The following AQP9 variants were observed in gnomAD, a reference collection of about 807,000 sequenced individuals.
AQP9 encodes the protein aquaporin-9.
AQP9 carries 19 observed loss-of-function variants against 23.8 expected under a neutral mutation model. The ratio of observed to expected loss-of-function variants is 0.80; its 90% CI spans 0.56 to 1.17. AQP9 has a LOEUF of 1.17. AQP9 is among the 50% of genes most tolerant of loss of function. AQP9 has a pLI of 0.00. For missense variants in AQP9, 413 were observed against 362.0 expected, an observed-to-expected ratio of 1.14 and a Z score of -1.14; for synonymous variants, 153 against 131.5, an observed-to-expected ratio of 1.16 and a Z score of -1.12.
At chr15:58,160,735 G>A (rs1332314780) in intron 1 of AQP9, among the ~76,000 whole-genome samples, 1 of 152,108 alleles carries the variant, frequency 6.6e-6, no homozygotes, top group Non-Finnish European at 1.5e-5. Flanking sequence ...ATGGCAATGT[G>A]CAGACGTGAT....
chr15:58,143,701 C>G (rs1897990645), intron 1 of AQP9, among the ~76,000 whole-genome samples: 1 of 152,188 alleles, frequency 6.6e-6, no homozygotes, highest in East Asian at 1.9e-4. Flanking sequence ...CCCAGAGACA[C>G]TTTCTGAAAT....
intron 1 of AQP9, among the ~76,000 whole-genome samples, chr15:58,165,506 G>A (rs1169462978): frequency 1.3e-5 from 2 of 152,130 alleles, no homozygotes; most frequent in African/African-American, 4.8e-5. Context: ...GTGTATTCAT[G>A]GAGAGAGATC....
At chr15:58,145,182 C>G (rs1898022771) in intron 1 of AQP9, among the ~76,000 whole-genome samples, 1 of 151,986 alleles carries the variant, frequency 6.6e-6, no homozygotes, top group Non-Finnish European at 1.5e-5. Context: ...CTTGCCTTTT[C>G]TCCTCTGTGT....
chr15:58,179,232 T>G lies in AQP9; in HGVS notation c.600T>G (p.Ile200Met), dbSNP rs1306742680. ...GLEPIAIGLL[I>M]IVIASSLGLN... The stretch of plus-strand genomic sequence containing the variant: ...AGCCCATTGCCATCGGCCTCCTGAT[T>G]ATTGTCATTGCTTCCTCCCTGGGAC... Residue 200 changes from isoleucine to methionine, a missense_variant, in exon 5 of 6, where the codon ATT becomes ATG. Physicochemically the swap from Ile to Met is conservative, Grantham distance 10 (BLOSUM62 1). Transcript: ENST00000219919. The G allele has an allele frequency of 6.2e-7, 1 of 1,614,144 alleles. No homozygotes were observed. The highest frequency in any genetic ancestry group is 1.1e-5 in the South Asian group (1 of 91,088).
At chr15:58,178,139 T>C (rs1046836401) in intron 4 of AQP9, among the ~76,000 whole-genome samples, 20 of 152,322 alleles carry the variant, frequency 1.3e-4, no homozygotes, top group African/African-American at 4.8e-4. Context: ...CAATTTTATA[T>C]TGGGGACTTG....
chr15:58,169,356 A>T (rs1279584563), intron 2 of AQP9, among the ~76,000 whole-genome samples: 1 of 152,162 alleles, frequency 6.6e-6, no homozygotes, highest in East Asian at 1.9e-4. Flanking sequence ...CTCTATTTGG[A>T]ATCTAGCACA....
In AQP9 at chr15:58,185,038, C is replaced by G. The variant is rs555581918; in HGVS notation, c.*903C>G. On this transcript the variant is annotated 3_prime_UTR_variant, in exon 6 of 6. Transcript: ENST00000219919. ...ATGCCCTAGAAGCCAAAACTGAAAG[C>G]CACTGGATCCTGGTCTAGCTGAATC... The G allele has an allele frequency of 2.0e-5, 3 of 152,274 alleles. No individual in the cohort carries two copies. Among genetic ancestry groups the G allele is most frequent in the Admixed American group, 6.5e-5 (1 of 15,298 alleles). The allele number at this position is 152,274 out of a possible 1,614,324, so 9.4% of individuals were successfully genotyped here.
In AQP9 at chr15:58,185,013, A is replaced by G. The variant is rs1399598875; in HGVS notation, c.*878A>G. 2 of 152,200 alleles carry G rather than the reference A, an allele frequency of 1.3e-5. No homozygotes were observed. Among genetic ancestry groups the G allele is most frequent in the Admixed American group, 6.5e-5 (1 of 15,278 alleles). The allele number at this position is 152,200 out of a possible 1,614,324, so 9.4% of individuals were successfully genotyped here. A position where few individuals can be genotyped will look rare whatever the true frequency, so the allele number is the denominator to read the frequency against. On this transcript the variant is annotated 3_prime_UTR_variant, in exon 6 of 6. Transcript: ENST00000219919. The stretch of plus-strand genomic sequence containing the variant: ...ACTGTGCTTGTCCATTATTTTACAC[A>G]TGCCCTAGAAGCCAAAACTGAAAGC...
intron 5 of AQP9, among the ~76,000 whole-genome samples, chr15:58,182,697 C>T (rs1341894130): frequency 6.6e-6 from 1 of 152,126 alleles, no homozygotes; most frequent in Non-Finnish European, 1.5e-5. Context: ...GTGAGGGCGG[C>T]CGAGTACAGC....
intron 1 of AQP9, among the ~76,000 whole-genome samples, chr15:58,158,864 G>A (rs1898316480): frequency 6.6e-6 from 1 of 152,142 alleles, no homozygotes; most frequent in Non-Finnish European, 1.5e-5. Context: ...CTGGCCCCAG[G>A]TTGCCTGCAT....
intron 1 of AQP9, among the ~76,000 whole-genome samples, chr15:58,165,396 T>G (rs1315939978): frequency 1.3e-5 from 2 of 152,190 alleles, no homozygotes; most frequent in African/African-American, 4.8e-5. Flanking sequence ...CAGATGGGTT[T>G]TAAAAAAGAG....
Position 58,174,917 on chromosome 15 carries a change from G to A in AQP9, c.377-1G>A. On this transcript the variant is annotated splice_acceptor_variant, in intron 3 of 5. Coordinates refer to ENST00000219919, the MANE Select transcript of AQP9 (RefSeq NM_020980.5). LOFTEE classifies it high-confidence loss of function. ...ATGTGCCAGAGCTTTCTCTTTCATA[G>A]ATGGACTTATGTCCTTTGCTGGTGG... 2.5e-6 allele frequency: 4 copies of A among 1,613,486 alleles called. No individual in the cohort carries two copies. The highest frequency in any genetic ancestry group is 3.4e-6 in the Non-Finnish European group (4 of 1,179,334).
At position 58,149,430 on chromosome 15, in the gene AQP9, G is replaced by A. The variant is rs1027223802; in HGVS notation, c.111+10754G>A. Among the ~76,000 whole-genome samples the A allele has an allele frequency of 9.2e-5, 14 of 152,142 alleles. 1 individual carries two copies. The South Asian group carries it at 1.4e-3, about 16-fold the overall frequency. ...TGCAGTCAAACCTTGGCCCCAGCACGTACCACTTATGGGAATGTGAGAGCA... is the reference window on the plus strand; with the variant it reads ...TGCAGTCAAACCTTGGCCCCAGCACATACCACTTATGGGAATGTGAGAGCA... On this transcript the variant is annotated intron_variant, in intron 1 of 5. Coordinates refer to ENST00000219919, the MANE Select transcript of AQP9 (RefSeq NM_020980.5).
intron 1 of AQP9, among the ~76,000 whole-genome samples, chr15:58,148,575 C>T (rs1321788895): frequency 6.6e-6 from 1 of 152,208 alleles, no homozygotes; most frequent in African/African-American, 2.4e-5. Context: ...CAGCAACCCC[C>T]ACTCACACAC....
intron 1 of AQP9, chr15:58,155,880 C>A (rs1329558392): frequency 6.6e-6 from 1 of 152,110 alleles, no homozygotes; most frequent in Non-Finnish European, 1.5e-5. Flanking sequence ...ATTTCTATAC[C>A]TCACATGTCT....
chr15:58,166,559 AC>A, intron 1 of AQP9, 113 bp from the exon 2 acceptor site: 1 of 1,382,250 alleles, frequency 7.2e-7, no homozygotes. Context: ...TTTGTATAAA[AC>A]CCAAGGCAAC....
chr15:58,156,881 A>G (rs1472844967), intron 1 of AQP9, among the ~76,000 whole-genome samples: 3 of 152,174 alleles, frequency 2.0e-5, no homozygotes, highest in African/African-American at 7.2e-5. Flanking sequence ...AGTTATTGCT[A>G]TCAGGTGCGC....
intron 2 of AQP9, among the ~76,000 whole-genome samples, chr15:58,170,573 T>G (rs1430870636): frequency 2.0e-5 from 3 of 151,792 alleles, no homozygotes; most frequent in African/African-American, 7.3e-5. Context: ...CCCAGCAAAT[T>G]TTTGTATTTT....
Position 58,175,080 on chromosome 15 carries a change from T to C in AQP9, c.495+44T>C, listed in dbSNP as rs907448005. The stretch of plus-strand genomic sequence containing the variant: ...AAGACTTAACTTTGGTGAAAAGATA[T>C]GCTCTCATAAGGGGAATGCATTGGA... On this transcript the variant is annotated intron_variant, in intron 4 of 5. Transcript: ENST00000219919. 4.0e-6 allele frequency: 6 copies of C among 1,505,832 alleles called. No individual in the cohort carries two copies. The South Asian group carries it at 5.6e-5, about 14-fold the overall frequency. The allele number at this position is 1,505,832 out of a possible 1,614,324, so 93.3% of individuals were successfully genotyped here. A position where few individuals can be genotyped will look rare whatever the true frequency, so the allele number is the denominator to read the frequency against.
Sources: allele counts gnomAD v4.1 joint callset (sites outside exome capture counted in the v4.1 genomes callset), GRCh38; gene constraint gnomAD v4.1.1; transcripts MANE v1.5; gene names NCBI Gene and HGNC (gene_info 2026-07-23, HGNC 2026-07-21).